ARL9: variants seen among roughly 807,000 people sequenced by gnomAD.
ARL9 encodes the protein ARF like GTPase 9.
In ARL9, 14 loss-of-function variants were observed where a neutral mutation model predicts 27.0. The ratio of observed to expected loss-of-function variants is 0.52; its 90% CI spans 0.34 to 0.81. The LOEUF is 0.81. Among genes scored for constraint, ARL9 ranks in the 30% least tolerant of loss-of-function variants. ARL9 has a pLI of 0.01. For missense variants in ARL9, 294 were observed against 290.0 expected (o/e 1.01, Z -0.10); for synonymous variants, 106 against 108.7 (o/e 0.98, Z 0.15).
upstream of ARL9, chr4:56,505,262 GTCTGGAGACAC>G (rs1202773344): frequency 5.3e-6 from 2 of 378,094 alleles, no homozygotes; most frequent in African/African-American, 4.2e-5. Context: ...CTGGGTAGTA[GTCTGGAGACAC>G]TCCTAGCGGA....
At chr4:56,507,278 G>C (rs1255968112) in intron 1 of ARL9, among the ~76,000 whole-genome samples, 1 of 152,064 alleles carries the variant, frequency 6.6e-6, no homozygotes, top group Non-Finnish European at 1.5e-5. Context: ...TAGGATGGGC[G>C]TAGGGACAGC....
intron 1 of ARL9, among the ~76,000 whole-genome samples, chr4:56,509,222 T>TG (rs1553949442): frequency 3.3e-5 from 5 of 150,764 alleles, no homozygotes; most frequent in African/African-American, 1.2e-4. Flanking sequence ...TTTTTTTTTT[T>TG]GGGATGGAGT....
chr4:56,507,351 G>A (rs1194674575), intron 1 of ARL9, among the ~76,000 whole-genome samples: 1 of 151,926 alleles, frequency 6.6e-6, no homozygotes, highest in Non-Finnish European at 1.5e-5. Flanking sequence ...GTCTGGCTCT[G>A]TCGCCCAGGC....
rs190509553 is a variant in ARL9 at position 56,510,513 on chromosome 4, C to A, written c.280-672C>A. On this transcript the variant is annotated intron_variant, in intron 1 of 3. Coordinates refer to ENST00000640821, the MANE Select transcript of ARL9 (RefSeq NM_001363794.2). ...ATGCACCACGGAGGTCCCAAGACCC[C>A]AAACAAAATGAATTCAGGTGCAGTC... 6.9e-3 allele frequency among the ~76,000 whole-genome samples: 1,053 copies of A among 152,032 alleles called. 12 individuals are homozygous for A. The highest frequency in any genetic ancestry group is 0.024 in the African/African-American group (997 of 41,362).
intron 3 of ARL9, among the ~76,000 whole-genome samples, chr4:56,522,358 T>C (rs1578216293): frequency 6.6e-6 from 1 of 150,780 alleles, no homozygotes; most frequent in Non-Finnish European, 1.5e-5. Context: ...GAGGCGGAGG[T>C]TGCAGTGAGC....
chr4:56,516,584 C>CAAAAAAAA (rs10718013), intron 2 of ARL9, among the ~76,000 whole-genome samples: 9 of 120,826 alleles, frequency 7.4e-5, no homozygotes, highest in East Asian at 2.2e-4. Context: ...TCAAATTAGG[C>CAAAAAAAA]AAAAAAAAAA....
chr4:56,517,709 A>G (rs1721802547), intron 2 of ARL9, among the ~76,000 whole-genome samples: 1 of 152,214 alleles, frequency 6.6e-6, no homozygotes, highest in Non-Finnish European at 1.5e-5. Flanking sequence ...AATCCATTGT[A>G]TATATGTTAT....
chr4:56,505,894 A>G lies in ARL9; in HGVS notation c.32A>G (p.Lys11Arg). The G allele has an allele frequency of 7.9e-7, 1 of 1,258,456 alleles. No individual in the cohort carries two copies. Among genetic ancestry groups the G allele is most frequent in the East Asian group, 3.1e-5 (1 of 32,268 alleles). 78.0% of individuals were successfully genotyped at this position (1,258,456 alleles called of 1,614,324 possible). A position where few individuals can be genotyped will look rare whatever the true frequency, so the allele number is the denominator to read the frequency against. MERGKVKKKE[K>R]EKETQEEKIG... ...AGGGGGAAAGTGAAGAAGAAAGAGA[A>G]GGAAAAGGAGACGCAGGAGGAGAAA... The change falls in exon 1 of 4, where the codon AAG becomes AGG. Residue 11 changes from lysine to arginine, a missense_variant. Coordinates refer to ENST00000640821, the MANE Select transcript of ARL9 (RefSeq NM_001363794.2).
chr4:56,505,291 C>T (rs569175618), upstream of ARL9: 1 of 416,494 alleles, frequency 2.4e-6, no homozygotes, highest in Non-Finnish European at 4.9e-6. Context: ...GGAGTTTACT[C>T]GGGAGAGGGC....
At chr4:56,518,882 C>T in intron 3 of ARL9, 29 bp downstream of exon 3, 1 of 1,593,522 alleles carries the variant, frequency 6.3e-7, no homozygotes, top group Non-Finnish European at 8.6e-7. Flanking sequence ...ATAAATTGTA[C>T]TCAAGAGTTT....
upstream of ARL9, chr4:56,505,786 G>A (rs1034620073): frequency 1.6e-5 from 21 of 1,344,388 alleles, no homozygotes; most frequent in Admixed American, 1.8e-4. Context: ...TGCACCTCGG[G>A]AGCCACACCT....
upstream of ARL9, chr4:56,505,452 A>G (rs766411250): frequency 7.8e-5 from 36 of 461,540 alleles, no homozygotes; most frequent in South Asian, 5.4e-4. Context: ...GTCAGACGCT[A>G]AGGTTGCTTA....
chr4:56,511,036 G>A, intron 1 of ARL9, 149 bp from the exon 2 acceptor site: 1 of 699,934 alleles, frequency 1.4e-6, no homozygotes, highest in East Asian at 3.0e-5. Context: ...GCCTCCCAAA[G>A]TGCTGGGATT....
chr4:56,505,608 A>G, upstream of ARL9: 1 of 609,328 alleles, frequency 1.6e-6, no homozygotes, highest in Non-Finnish European at 2.9e-6. Flanking sequence ...GGCTGGGCTC[A>G]ATCCATCCGT....
At chr4:56,513,753 C>G (rs758541210) in intron 2 of ARL9, among the ~76,000 whole-genome samples, 3 of 152,292 alleles carry the variant, frequency 2.0e-5, no homozygotes, top group East Asian at 3.9e-4. Context: ...AAAGAACTAA[C>G]TAAGATGCCT....
intron 2 of ARL9, 87 bp from the exon 3 acceptor site, chr4:56,518,591 A>G: frequency 8.5e-7 from 1 of 1,182,932 alleles, no homozygotes; most frequent in Non-Finnish European, 1.2e-6. Flanking sequence ...CTGTGTTCAG[A>G]AATCTAGATG....
At chr4:56,506,191 G>A (rs1488448379) in intron 1 of ARL9, 50 bp downstream of exon 1, 1 of 1,232,574 alleles carries the variant, frequency 8.1e-7, no homozygotes, top group Non-Finnish European at 1.0e-6. Flanking sequence ...TTTGTCGGCC[G>A]TTCAGACCCC....
intron 1 of ARL9, among the ~76,000 whole-genome samples, chr4:56,508,919 G>T (rs1228493160): frequency 6.6e-6 from 1 of 152,104 alleles, no homozygotes; most frequent in African/African-American, 2.4e-5. Flanking sequence ...TACGATTATT[G>T]TTATTTCTAA....
chr4:56,506,443 T>C lies in ARL9; in HGVS notation c.279+302T>C, dbSNP rs188508763. Among the ~76,000 whole-genome samples the C allele has an allele frequency of 4.4e-3, 671 of 152,244 alleles. 7 individuals carry two copies. Among genetic ancestry groups the C allele is most frequent in the African/African-American group, 0.016 (645 of 41,556 alleles). On this transcript the variant is annotated intron_variant, in intron 1 of 3. Coordinates refer to ENST00000640821, the MANE Select transcript of ARL9 (RefSeq NM_001363794.2). ...GGGACATGGGGAACGGCCCCTCTACTGCCCTTAGATCTGTCCAGCGCGCAA... is the reference window on the plus strand; with the variant it reads ...GGGACATGGGGAACGGCCCCTCTACCGCCCTTAGATCTGTCCAGCGCGCAA...
Sources: gnomAD v4.1 joint callset for allele counts (sites outside exome capture counted in the v4.1 genomes callset) on GRCh38, gnomAD v4.1.1 for gene constraint, MANE v1.5 for transcripts, NCBI Gene and HGNC (gene_info 2026-07-23, HGNC 2026-07-21) for gene names.